Variants in MASP1 observed in about 807,000 individuals in gnomAD.
The protein encoded by MASP1 is mannan-binding lectin serine protease 1.
Under a neutral mutation model 77.1 loss-of-function variants are expected in MASP1, and 59 were observed. The observed-to-expected ratio is 0.77, with a 90% CI of 0.62 to 0.95. The LOEUF (loss-of-function observed/expected upper bound fraction) is 0.95, where lower values mean the gene tolerates loss of function less well. Ranked by LOEUF, MASP1 falls within the 40% of genes least tolerant of loss-of-function variation. The pLI is 0.00. For synonymous variants in MASP1, 362 were observed against 354.5 expected, an observed-to-expected ratio of 1.02 and a Z score of -0.24; for missense variants, 885 against 912.9, an observed-to-expected ratio of 0.97 and a Z score of 0.39.
At chr3:187,256,535 C>T (rs999227549) in intron 5 of MASP1, 129 bp downstream of exon 5, 3 of 829,016 alleles carry the variant, frequency 3.6e-6, no homozygotes, top group Non-Finnish European at 6.1e-6. Context: ...TTAAATAATG[C>T]CTTTTTGAGG....
rs143503196 is a variant in MASP1, at chr3:187,235,939, C to T, written c.1932G>A (p.Thr644=). Residue 644 remains threonine, a synonymous_variant, in exon 11 of 11, where the codon ACG becomes ACA. Transcript: ENST00000296280. The part of the protein sequence containing the change: ...YESRSGNYSV[T]ENMFCAGYYE... ...AGTAGCCAGCACAGAACATGTTCTC[C>T]GTGACGCTGTAATTGCCCGAGCGGG... is the stretch of plus-strand genomic sequence containing the variant. The T allele has an allele frequency of 7.2e-5, 116 of 1,614,096 alleles. No individual in the cohort carries two copies. The Middle Eastern group carries it at 8.2e-4, about 11-fold the overall frequency.
At chr3:187,217,867 G>C (rs989161408) in exon 16 of MASP1, 4 of 152,218 alleles carry the variant, frequency 2.6e-5, no homozygotes, top group Admixed American at 6.5e-5. Context: ...GTCAGTATTT[G>C]TGCACAAACC....
In MASP1 at chr3:187,291,654, G is replaced by A. The variant is rs375911990; in HGVS notation, c.-22C>T. The A allele has an allele frequency of 1.7e-4, 268 of 1,614,024 alleles. No individual in the cohort carries two copies. Among genetic ancestry groups the A allele is most frequent in the Non-Finnish European group, 2.1e-4 (245 of 1,180,010 alleles). On this transcript the variant is annotated 5_prime_UTR_variant, in exon 1 of 11. Coordinates refer to ENST00000296280, the MANE Select transcript of MASP1 (RefSeq NM_139125.4). Reference sequence around the variant, plus strand: ...TCATTTTCCTGCCTTGGGTGCTCCCGGCTGCCCGGCCTTGGTCCTCCCAGC... The same window carrying A: ...TCATTTTCCTGCCTTGGGTGCTCCCAGCTGCCCGGCCTTGGTCCTCCCAGC...
At chr3:187,269,342 A>T (rs1305322658) in intron 2 of MASP1, among the ~76,000 whole-genome samples, 1 of 152,202 alleles carries the variant, frequency 6.6e-6, no homozygotes, top group African/African-American at 2.4e-5. Flanking sequence ...TTGGAGACCC[A>T]AAAAGATTTT....
At position 187,234,709 on chromosome 3, in the gene MASP1, C is replaced by T; in HGVS notation, c.*975G>A. The stretch of plus-strand genomic sequence containing the variant: ...TGGGTGACTTCTAATGTGCCCACCC[C>T]ACTCTTTCTTCCATTTTCCTGCCCA... On this transcript the variant is annotated 3_prime_UTR_variant, in exon 11 of 11. Transcript: ENST00000296280. 7.8e-7 allele frequency: 1 copy of T among 1,287,254 alleles called. No homozygotes were observed. The highest frequency in any genetic ancestry group is 1.0e-6 in the Non-Finnish European group (1 of 988,688). The allele number at this position is 1,287,254 out of a possible 1,614,324, so 79.7% of individuals were successfully genotyped here.
chr3:187,259,846 T>C (rs139813005), intron 4 of MASP1, among the ~76,000 whole-genome samples: 120 of 152,294 alleles, frequency 7.9e-4, no homozygotes, highest in African/African-American at 2.6e-3. Context: ...CCAAGTGAGA[T>C]TTCAAGCACA....
intron 11 of MASP1, among the ~76,000 whole-genome samples, chr3:187,228,285 C>CAAAA (rs57929155): frequency 9.8e-6 from 1 of 101,878 alleles, no homozygotes. Flanking sequence ...GACTCCGTCT[C>CAAAA]AAAAAAAAAA....
chr3:187,218,053 G>T (rs566859991), exon 16 of MASP1: 1 of 152,316 alleles, frequency 6.6e-6, no homozygotes, highest in Admixed American at 6.5e-5. Flanking sequence ...CATGTGGAAG[G>T]CCTCCTCCGT....
At position 187,262,522 on chromosome 3, in the gene MASP1, TGA is replaced by T. The variant is rs768186337; in HGVS notation, c.415+19_415+20del. On this transcript the variant is annotated intron_variant, in intron 3 of 10. Transcript: ENST00000296280. ...GGAGAGAGAGAGAGAGACCTGAGGA[TGA>T]GTCACTTCTCCAACTTACCCACAGC... 34 of 1,613,194 alleles carry T rather than the reference TGA, an allele frequency of 2.1e-5. 1 individual carries two copies. The highest frequency in any genetic ancestry group is 3.3e-4 in the Middle Eastern group (2 of 6,060).
chr3:187,221,270 C>T, intron 14 of MASP1: 1 of 694,982 alleles, frequency 1.4e-6, no homozygotes. Flanking sequence ...TAAGAGACTG[C>T]CCCATGCTAC....
At chr3:187,268,534 G>T (rs1025271885) in intron 2 of MASP1, among the ~76,000 whole-genome samples, 1 of 142,516 alleles carries the variant, frequency 7.0e-6, no homozygotes, top group African/African-American at 2.6e-5. Flanking sequence ...AGAAAGAAAA[G>T]AAAAGAAAAG....
chr3:187,251,621 C>A lies in MASP1; in HGVS notation c.1011+13G>T. 3 of 1,610,082 alleles carry A rather than the reference C, an allele frequency of 1.9e-6. No homozygotes were observed. The highest frequency in any genetic ancestry group is 2.6e-6 in the Non-Finnish European group (3 of 1,176,470). On this transcript the variant is annotated intron_variant, in intron 7 of 10. Transcript: ENST00000296280. ...GGCCTGGTCACTCCCCTTTCCCAGG[C>A]AAGGCTCTGCACCTTCAGCACTTTG...
exon 16 of MASP1, chr3:187,219,663 C>T (rs944098937): frequency 5.4e-5 from 14 of 260,444 alleles, no homozygotes; most frequent in Non-Finnish European, 9.9e-5. Flanking sequence ...GACACATCGA[C>T]CTTCTGCTAA....
chr3:187,225,305 TG>T, intron 13 of MASP1: 2 of 1,612,168 alleles, frequency 1.2e-6, no homozygotes, highest in Non-Finnish European at 1.7e-6. Flanking sequence ...CCTGCAGAGG[TG>T]GAGGTAGGGG....
At chr3:187,243,259 G>T in intron 9 of MASP1, 1 of 570,534 alleles carries the variant, frequency 1.8e-6, no homozygotes, top group Non-Finnish European at 3.1e-6. Context: ...AAACAAAAAA[G>T]CCTGCTTTTT....
intron 11 of MASP1, among the ~76,000 whole-genome samples, chr3:187,227,776 G>A (rs1021477897): frequency 1.3e-5 from 2 of 152,158 alleles, no homozygotes; most frequent in African/African-American, 4.8e-5. Context: ...GCCTGCCTTG[G>A]TCTGGGGCTC....
intron 2 of MASP1, among the ~76,000 whole-genome samples, chr3:187,265,958 C>T (rs1040018858): frequency 6.6e-6 from 1 of 152,112 alleles, no homozygotes; most frequent in South Asian, 2.1e-4. Context: ...GCATCCTGTG[C>T]TGTGGAATAT....
chr3:187,219,452 T>C (rs1270659487), exon 16 of MASP1: 1 of 155,368 alleles, frequency 6.4e-6, no homozygotes, highest in East Asian at 1.9e-4. Context: ...CTAGGGGACA[T>C]ACCACAGGAC....
chr3:187,271,851 G>GA (rs1261600115), intron 2 of MASP1, among the ~76,000 whole-genome samples: 1 of 152,102 alleles, frequency 6.6e-6, no homozygotes, highest in East Asian at 1.9e-4. Context: ...CTTCATCACA[G>GA]AACATGGCGT....
Sources: gnomAD v4.1 joint callset for allele counts (sites outside exome capture counted in the v4.1 genomes callset) on GRCh38, gnomAD v4.1.1 for gene constraint, MANE v1.5 for transcripts, NCBI Gene and HGNC (gene_info 2026-07-23, HGNC 2026-07-21) for gene names.